Variants in MYOF observed in about 807,000 individuals in gnomAD.
MYOF encodes myoferlin.
MYOF carries 244 observed loss-of-function variants against 284.2 expected under a neutral mutation model. That is an observed-to-expected ratio of 0.86 (90% confidence interval 0.77 to 0.95). MYOF has a LOEUF of 0.95. MYOF is among the 40% of genes least tolerant of loss of function. The pLI, the probability that MYOF is intolerant of heterozygous loss-of-function variation, is 0.00. For missense variants in MYOF, 2,496 were observed against 2,560.6 expected, an observed-to-expected ratio of 0.97 and a Z score of 0.54; for synonymous variants, 904 against 919.7, an observed-to-expected ratio of 0.98 and a Z score of 0.31.
intron 48 of MYOF, among the ~76,000 whole-genome samples, chr10:93,322,507 T>TAGCCATC (rs1201794160): frequency 1.3e-5 from 2 of 152,210 alleles, no homozygotes; most frequent in Non-Finnish European, 2.9e-5. Context: ...GATCAAGGCA[T>TAGCCATC]AGCCATCCAC....
intron 18 of MYOF, among the ~76,000 whole-genome samples, chr10:93,388,487 T>C (rs916506411): frequency 1.3e-5 from 2 of 152,152 alleles, no homozygotes; most frequent in Non-Finnish European, 2.9e-5. Context: ...AATAGAACCT[T>C]CTGGAAAGGA....
chr10:93,452,328 A>T (rs58051918), intron 2 of MYOF, among the ~76,000 whole-genome samples, 187 bp from the exon 3 acceptor site: 4,176 of 152,102 alleles, frequency 0.027, 171 homozygotes, highest in African/African-American at 0.094. Context: ...AGCAAACCAG[A>T]TGTCGACTTA....
chr10:93,328,999 T>C, intron 44 of MYOF, 88 bp from the exon 45 acceptor site: 3 of 1,383,384 alleles, frequency 2.2e-6, no homozygotes, highest in Non-Finnish European at 2.9e-6. Context: ...TACTCTTAGG[T>C]GCTCCCATAT....
At chr10:93,311,252 G>A (rs1842373009) in intron 51 of MYOF, among the ~76,000 whole-genome samples, 1 of 152,058 alleles carries the variant, frequency 6.6e-6, no homozygotes, top group Non-Finnish European at 1.5e-5. Flanking sequence ...CCCTACAAAG[G>A]TACTATTATT....
chr10:93,461,174 C>T (rs2056872835), intron 1 of MYOF, among the ~76,000 whole-genome samples: 1 of 152,208 alleles, frequency 6.6e-6, no homozygotes, highest in Admixed American at 6.5e-5. Context: ...TTTCTTCCTG[C>T]CTGTCAGAGG....
At position 93,452,312 on chromosome 10, in the gene MYOF, C is replaced by T. The variant is rs775318565; in HGVS notation, c.145-171G>A. On this transcript the variant is annotated intron_variant, in intron 2 of 53. Coordinates refer to ENST00000359263, the MANE Select transcript of MYOF (RefSeq NM_013451.4). ...CTAAACCTGAAGGCAGCTGAGGGGG[C>T]AGGAAAGCAAACCAGATGTCGACTT... 2.6e-5 allele frequency among the ~76,000 whole-genome samples: 4 copies of T among 151,906 alleles called. No individual in the cohort carries two copies. In the East Asian group the frequency reaches 5.8e-4, roughly 22 times the overall value.
At position 93,392,919 on chromosome 10, in the gene MYOF, G is replaced by A. The variant is rs779099736; in HGVS notation, c.1454C>T (p.Thr485Ile). 5 of 1,611,366 alleles carry A rather than the reference G, an allele frequency of 3.1e-6. No homozygotes were observed. Among genetic ancestry groups the A allele is most frequent in the Non-Finnish European group, 3.4e-6 (4 of 1,177,666 alleles). Reference protein sequence around the residue: ...SSSGTGAASYTVNTGETEVGF... With the variant: ...SSSGTGAASYIVNTGETEVGF... Reference sequence around the variant, plus strand: ...GAGCAAAATTACGAAGCATAAACCTGTATATGATGCAGCCCCAGTTCCCGA... The same window carrying A: ...GAGCAAAATTACGAAGCATAAACCTATATATGATGCAGCCCCAGTTCCCGA... Residue 485 changes from threonine to isoleucine, a missense_variant and splice_region_variant, in exon 17 of 54, where the codon ACA becomes ATA. Transcript: ENST00000359263.
Position 93,482,233 on chromosome 10 carries a change from G to GC in MYOF, c.-40_-39insG. On this transcript the variant is annotated 5_prime_UTR_variant, in exon 1 of 54. Transcript: ENST00000359263. The stretch of plus-strand genomic sequence containing the variant: ...TAGAAAGCAAGTTTCAGCAAACGAA[G>GC]TGGAGACTAGGGCGCTGGAGCTCCG... 6.4e-7 allele frequency: 1 copy of GC among 1,566,224 alleles called. No homozygotes were observed. Among genetic ancestry groups the GC allele is most frequent in the Non-Finnish European group, 8.8e-7 (1 of 1,140,650 alleles).
intron 19 of MYOF, among the ~76,000 whole-genome samples, chr10:93,381,803 G>A (rs1170348114): frequency 1.3e-5 from 2 of 152,176 alleles, no homozygotes; most frequent in African/African-American, 2.4e-5. Context: ...TTGGGAGCCC[G>A]AGGTGGTTGG....
At chr10:93,332,497 G>A (rs980048241) in intron 43 of MYOF, among the ~76,000 whole-genome samples, 1 of 151,824 alleles carries the variant, frequency 6.6e-6, no homozygotes, top group African/African-American at 2.4e-5. Flanking sequence ...TGGGATTACA[G>A]GTGTGAGCCA....
intron 19 of MYOF, 119 bp downstream of exon 19, chr10:93,387,678 A>G (rs1846450520): frequency 9.1e-6 from 7 of 770,154 alleles, no homozygotes; most frequent in Non-Finnish European, 1.6e-5. Context: ...GCTGTTGTAG[A>G]AACATCCAGA....
intron 3 of MYOF, among the ~76,000 whole-genome samples, chr10:93,448,446 A>G (rs779869036): frequency 7.2e-5 from 11 of 152,228 alleles, no homozygotes; most frequent in Non-Finnish European, 1.2e-4. Context: ...GGTACCCGAC[A>G]TATTATGTAT....
At chr10:93,321,290 G>A (rs1043083365) in intron 48 of MYOF, among the ~76,000 whole-genome samples, 1 of 151,644 alleles carries the variant, frequency 6.6e-6, no homozygotes. Context: ...AAAGTCACTT[G>A]AAAATATTAA....
intron 19 of MYOF, among the ~76,000 whole-genome samples, chr10:93,385,692 C>T (rs1215241203): frequency 6.6e-6 from 1 of 152,068 alleles, no homozygotes; most frequent in African/African-American, 2.4e-5. Flanking sequence ...CTTCATTTCA[C>T]TTTTGATTTA....
At chr10:93,407,183 T>C (rs35437088) in intron 7 of MYOF, among the ~76,000 whole-genome samples, 14,381 of 152,036 alleles carry the variant, frequency 0.095, 1,130 homozygotes, top group African/African-American at 0.22. Context: ...CCCAGCACTT[T>C]GGGAGGCCAA....
chr10:93,373,123 A>G (rs371568307), intron 23 of MYOF, 38 bp from the exon 24 acceptor site: 59 of 1,613,490 alleles, frequency 3.7e-5, no homozygotes, highest in Non-Finnish European at 4.7e-5. Context: ...AAGCACAGCC[A>G]TGGTTAGTCT....
chr10:93,429,258 T>G (rs1848730252), intron 4 of MYOF, among the ~76,000 whole-genome samples: 1 of 152,154 alleles, frequency 6.6e-6, no homozygotes, highest in South Asian at 2.1e-4. Flanking sequence ...CCTCTCCACC[T>G]TCCCCCACGA....
Position 93,351,790 on chromosome 10 carries a change from A to C in MYOF, c.3538T>G (p.Ser1180Ala). 6.3e-7 allele frequency: 1 copy of C among 1,596,524 alleles called. No homozygotes were observed. Among genetic ancestry groups the C allele is most frequent in the South Asian group, 1.1e-5 (1 of 87,106 alleles). Reference protein sequence around the residue: ...HRSKTTEIIHSTLNPTWDQTI... With the variant: ...HRSKTTEIIHATLNPTWDQTI... ...TGGTCCCACGTGGGATTCAGGGTTG[A>C]ATGGATGATCTCAGTGGTTTTGCTC... The change falls in exon 33 of 54, where the codon TCA becomes GCA. Residue 1180 changes from serine (S) to alanine (A), a missense_variant. Transcript: ENST00000359263.
intron 7 of MYOF, among the ~76,000 whole-genome samples, chr10:93,406,124 ATTGT>A (rs1294018548): frequency 6.7e-6 from 1 of 150,014 alleles, no homozygotes; most frequent in African/African-American, 2.4e-5. Flanking sequence ...CACCCGGCTA[ATTGT>A]TTGTATTTTT....
Sources: allele counts gnomAD v4.1 joint callset (sites outside exome capture counted in the v4.1 genomes callset), GRCh38; gene constraint gnomAD v4.1.1; transcripts MANE v1.5; gene names NCBI Gene and HGNC (gene_info 2026-07-23, HGNC 2026-07-21).